Variants in SEMA4D observed in about 807,000 individuals in gnomAD.
SEMA4D encodes semaphorin-4D.
SEMA4D carries 22 observed loss-of-function variants against 74.8 expected under a neutral mutation model. The ratio of observed to expected loss-of-function variants is 0.29; its 90% confidence interval spans 0.21 to 0.42. The LOEUF is 0.42. Among genes scored for constraint, SEMA4D ranks in the 10% least tolerant of loss-of-function variants. The pLI, the probability that SEMA4D is intolerant of heterozygous loss-of-function variation, is 1.00. For missense variants in SEMA4D, 937 were observed against 1,118.4 expected (o/e 0.84, Z 2.31); for synonymous variants, 445 against 463.7 (o/e 0.96, Z 0.52).
At chr9:89,390,000 GAA>G (rs944060179) in intron 9 of SEMA4D, among the ~76,000 whole-genome samples, 2 of 151,666 alleles carry the variant, frequency 1.3e-5, no homozygotes, top group Non-Finnish European at 2.9e-5. Flanking sequence ...CAAGTATGGG[GAA>G]AAAAAAGGGA....
chr9:89,449,757 GAA>G (rs1853895765), intron 2 of SEMA4D: 15 of 1,520,166 alleles, frequency 9.9e-6, no homozygotes, highest in Non-Finnish European at 1.1e-5. Context: ...CTTCAAGAAA[GAA>G]AAAGAGATGA....
At chr9:89,373,900 G>A (rs1164169421), downstream of SEMA4D, among the ~76,000 whole-genome samples, 1 of 152,196 alleles carries the variant, frequency 6.6e-6, no homozygotes, top group South Asian at 2.1e-4. Context: ...GGCCTCTGTC[G>A]CAGGAAGCAT....
chr9:89,461,221 G>C (rs1277570280), intron 1 of SEMA4D, among the ~76,000 whole-genome samples: 3 of 152,122 alleles, frequency 2.0e-5, no homozygotes, highest in Non-Finnish European at 4.4e-5. Flanking sequence ...GGAAGTGTGA[G>C]CCCCTCCCTG....
At chr9:89,373,753 G>A (rs1275487137), downstream of SEMA4D, among the ~76,000 whole-genome samples, 1 of 152,200 alleles carries the variant, frequency 6.6e-6, no homozygotes, top group East Asian at 1.9e-4. Flanking sequence ...AGAAGCGGTA[G>A]GCCTGTGCCT....
At chr9:89,490,648 T>C (rs547503741) in intron 1 of SEMA4D, among the ~76,000 whole-genome samples, 115 of 152,350 alleles carry the variant, frequency 7.5e-4, no homozygotes, top group Non-Finnish European at 9.6e-4. Context: ...GGGTCAGGTG[T>C]ATCAAACACA....
At chr9:89,446,651 C>T (rs941511582) in intron 2 of SEMA4D, among the ~76,000 whole-genome samples, 5 of 152,158 alleles carry the variant, frequency 3.3e-5, no homozygotes, top group Admixed American at 2.0e-4. Flanking sequence ...AAGGATCAGC[C>T]GCTTCCCACT....
At chr9:89,453,251 T>C (rs767505571) in intron 2 of SEMA4D, among the ~76,000 whole-genome samples, 1 of 152,208 alleles carries the variant, frequency 6.6e-6, no homozygotes, top group Non-Finnish European at 1.5e-5. Flanking sequence ...AGGGTTGTTG[T>C]AAATTAAGAA....
At chr9:89,392,381 G>A (rs747544725) in intron 8 of SEMA4D, 42 bp downstream of exon 8, 2 of 1,425,034 alleles carry the variant, frequency 1.4e-6, no homozygotes, top group South Asian at 1.2e-5. Flanking sequence ...GCACTCATGA[G>A]GAGACACGCA....
At chr9:89,390,041 G>C (rs35547805) in intron 9 of SEMA4D, among the ~76,000 whole-genome samples, 24,754 of 152,136 alleles carry the variant, frequency 0.16, 2,622 homozygotes, top group Non-Finnish European at 0.23. Flanking sequence ...GTGTGCCTAA[G>C]ACTTGTAGAA....
At chr9:89,476,981 C>T (rs1419862688) in intron 1 of SEMA4D, among the ~76,000 whole-genome samples, 1 of 152,156 alleles carries the variant, frequency 6.6e-6, no homozygotes, top group Non-Finnish European at 1.5e-5. Flanking sequence ...CACTGTACTA[C>T]CATGTCAAAT....
chr9:89,410,863 C>T (rs983360129), intron 2 of SEMA4D, among the ~76,000 whole-genome samples: 3 of 152,222 alleles, frequency 2.0e-5, no homozygotes, highest in Non-Finnish European at 2.9e-5. Flanking sequence ...AAAGCAACGC[C>T]TTTGAATCCC....
chr9:89,371,808 G>T (rs367954714), intron 16 of SEMA4D, among the ~76,000 whole-genome samples: 7 of 73,370 alleles, frequency 9.5e-5, no homozygotes, highest in Non-Finnish European at 1.4e-4. Context: ...TGTGTGTGTG[G>T]GGGGTGTGTG....
chr9:89,445,801 G>A (rs1016010208), intron 2 of SEMA4D, among the ~76,000 whole-genome samples: 1 of 151,956 alleles, frequency 6.6e-6, no homozygotes, highest in Non-Finnish European at 1.5e-5. Context: ...CTCTGGGGAG[G>A]GCCACCTCCT....
chr9:89,389,048 C>G lies in SEMA4D; in HGVS notation c.775-1G>C. On this transcript the variant is annotated splice_acceptor_variant, in intron 9 of 15. Transcript: ENST00000422704. LOFTEE classifies it high-confidence loss of function. ...AGGTCCTCAGGCCGCCCTGGTCCCC[C>G]TAAAACCCCAACAAGAAGACGTGGT... The G allele has an allele frequency of 6.2e-7, 1 of 1,613,992 alleles. No homozygotes were observed. Among genetic ancestry groups the G allele is most frequent in the African/African-American group, 1.3e-5 (1 of 75,044 alleles).
intron 1 of SEMA4D, among the ~76,000 whole-genome samples, chr9:89,463,818 C>T (rs55810741): frequency 0.022 from 3,289 of 152,022 alleles, 137 homozygotes; most frequent in African/African-American, 0.076. Flanking sequence ...CCTGTAATCC[C>T]AGCTACTTGG....
intron 1 of SEMA4D, among the ~76,000 whole-genome samples, chr9:89,462,210 C>T (rs959139664): frequency 2.0e-5 from 3 of 152,182 alleles, no homozygotes; most frequent in African/African-American, 7.2e-5. Context: ...TGCCAGAAAT[C>T]GCTTGGTGTG....
chr9:89,376,620 T>G, downstream of SEMA4D: 1 of 649,628 alleles, frequency 1.5e-6, no homozygotes, highest in Non-Finnish European at 2.6e-6. Context: ...GGTTGACCCC[T>G]GTACACTAGA....
At chr9:89,483,238 C>T (rs1304521813) in intron 1 of SEMA4D, among the ~76,000 whole-genome samples, 1 of 152,218 alleles carries the variant, frequency 6.6e-6, no homozygotes, top group Non-Finnish European at 1.5e-5. Context: ...CAGGCGGCTT[C>T]CCAGGATTCC....
chr9:89,385,977 G>A (rs2132975107), intron 13 of SEMA4D: 1 of 984,022 alleles, frequency 1.0e-6, no homozygotes, highest in South Asian at 4.7e-5. Flanking sequence ...TTCTCTTGTG[G>A]ATTTTCCACG....
Sources: allele counts gnomAD v4.1 joint callset (sites outside exome capture counted in the v4.1 genomes callset), GRCh38; gene constraint gnomAD v4.1.1; transcripts MANE v1.5; gene names NCBI Gene and HGNC (gene_info 2026-07-23, HGNC 2026-07-21).